The following MKX variants were observed in gnomAD, a reference collection of about 807,000 sequenced individuals.
The protein encoded by MKX is homeobox protein Mohawk.
In MKX, 13 loss-of-function variants were observed where a neutral mutation model predicts 36.0. That is an observed-to-expected ratio of 0.36 (90% CI 0.24 to 0.57). The LOEUF (loss-of-function observed/expected upper bound fraction) is 0.57. Among genes scored for constraint, MKX ranks in the 20% least tolerant of loss-of-function variants. The pLI, the probability that MKX is intolerant of heterozygous loss-of-function variation, is 0.79. For missense variants in MKX, 458 were observed against 456.4 expected, an observed-to-expected ratio of 1.00 and a Z score of -0.03; for synonymous variants, 176 against 178.3, an observed-to-expected ratio of 0.99 and a Z score of 0.10.
intron 5 of MKX, among the ~76,000 whole-genome samples, chr10:27,713,204 A>C (rs916219094): frequency 3.3e-5 from 5 of 152,214 alleles, no homozygotes; most frequent in African/African-American, 1.2e-4. Context: ...AGAAATCTTC[A>C]GAAGTGTCTG....
rs965586987 is a variant in MKX, at chr10:27,706,658, T to G, written c.838+27798A>C. 2.6e-5 allele frequency among the ~76,000 whole-genome samples: 4 copies of G among 152,166 alleles called. No individual in the cohort carries two copies. In the South Asian group the frequency reaches 8.3e-4, roughly 32 times the overall value. On this transcript the variant is annotated intron_variant, in intron 5 of 6. Transcript: ENST00000419761. ...TCTGCATTTCTCTAATGATTGGTAA[T>G]GCTGAGCATCTTTTCATGTGCTTAT...
chr10:27,742,620 C>T lies in MKX; in HGVS notation c.188+608G>A, dbSNP rs1400797498. Among the ~76,000 whole-genome samples the T allele has an allele frequency of 1.3e-5, 2 of 151,880 alleles. No homozygotes were observed. Among genetic ancestry groups the T allele is most frequent in the Admixed American group, 6.5e-5 (1 of 15,288 alleles). ...GCTGGCCCACCCGCAAGCTACCGCC[C>T]CCCCCAGCATACCCCTCACCCCGCT... On this transcript the variant is annotated intron_variant, in intron 2 of 6. Coordinates refer to ENST00000419761, the MANE Select transcript of MKX (RefSeq NM_173576.3). The surrounding 1 kb of genome is among the most constrained non-coding windows in gnomAD (Gnocchi z 4.2).
chr10:27,734,902 TAAA>T, intron 4 of MKX, 111 bp from the exon 5 acceptor site: 1 of 629,862 alleles, frequency 1.6e-6, no homozygotes, highest in Non-Finnish European at 2.4e-6. Context: ...TTAAAGTATA[TAAA>T]ATTATCTTTG....
chr10:27,699,697 C>G (rs528254342), intron 5 of MKX, among the ~76,000 whole-genome samples: 1 of 152,196 alleles, frequency 6.6e-6, no homozygotes, highest in Non-Finnish European at 1.5e-5. Flanking sequence ...AGTTTCAATT[C>G]AGCTCCCTAA....
intron 5 of MKX, among the ~76,000 whole-genome samples, chr10:27,696,568 A>C (rs76900337): frequency 0.047 from 7,193 of 152,226 alleles, 474 homozygotes; most frequent in African/African-American, 0.15. Context: ...CAAGCTGCAT[A>C]TTACAAAGTT....
chr10:27,720,692 A>G (rs955856229), intron 5 of MKX, among the ~76,000 whole-genome samples: 28 of 152,252 alleles, frequency 1.8e-4, no homozygotes, highest in African/African-American at 6.7e-4. Flanking sequence ...TGCAAACATT[A>G]TACTCTATGG....
chr10:27,688,012 C>T (rs1351463765), intron 5 of MKX, among the ~76,000 whole-genome samples: 1 of 152,110 alleles, frequency 6.6e-6, no homozygotes, highest in Non-Finnish European at 1.5e-5. Context: ...TTAGCATCAG[C>T]GTGCCAAGCT....
At chr10:27,735,838 T>C (rs1378752504) in intron 3 of MKX, among the ~76,000 whole-genome samples, 1 of 151,990 alleles carries the variant, frequency 6.6e-6, no homozygotes, top group African/African-American at 2.4e-5. Flanking sequence ...GCATTCCCAA[T>C]AAAGAGGACA....
Position 27,735,265 on chromosome 10 carries a change from T to C in MKX, c.458A>G (p.Asn153Ser), listed in dbSNP as rs1257549259. The change falls in exon 4 of 7, where the codon AAT (asparagine) becomes AGT (serine). Residue 153 changes from asparagine to serine, a missense_variant. By Grantham distance (46) the Asn-to-Ser change is conservative. Around this residue, in one of 3 missense-constraint regions of MKX, gnomAD observed 297 missense variants for 304.4 expected, o/e 0.98. Transcript: ENST00000419761. ...ACTGCTTACGCTAAGCCGTTCAGCATTGCCTTGAACATACTTGTTGTATAA... is the reference window on the plus strand; with the variant it reads ...ACTGCTTACGCTAAGCCGTTCAGCACTGCCTTGAACATACTTGTTGTATAA... Reference protein sequence around the residue: ...IKLYNKYVQGNAERLSVSSDD... With the variant: ...IKLYNKYVQGSAERLSVSSDD... 5.0e-6 allele frequency: 8 copies of C among 1,612,238 alleles called. No homozygotes were observed. Among genetic ancestry groups the C allele is most frequent in the Middle Eastern group, 1.6e-4 (1 of 6,076 alleles).
At chr10:27,724,933 AACC>A (rs1834457229) in intron 5 of MKX, among the ~76,000 whole-genome samples, 1 of 152,014 alleles carries the variant, frequency 6.6e-6, no homozygotes, top group Non-Finnish European at 1.5e-5. Flanking sequence ...CTTGTGTAAA[AACC>A]TTTCCACTCT....
intron 5 of MKX, among the ~76,000 whole-genome samples, chr10:27,730,958 C>T (rs1192081537): frequency 6.6e-6 from 1 of 151,254 alleles, no homozygotes; most frequent in Admixed American, 6.6e-5. Flanking sequence ...CACGGTGAAA[C>T]CCCGTCTCTA....
chr10:27,686,432 A>G (rs1001711344), intron 5 of MKX, among the ~76,000 whole-genome samples: 2 of 144,662 alleles, frequency 1.4e-5, no homozygotes, highest in African/African-American at 5.6e-5. Context: ...GAAGGAAGGA[A>G]GGAAGGAAGG....
At position 27,675,358 on chromosome 10, in the gene MKX, T is replaced by C; in HGVS notation, c.930A>G (p.Ala310=). Residue 310 remains alanine (A), a synonymous_variant, in exon 7 of 7, where the codon GCA becomes GCG. Transcript: ENST00000419761. ...KDDTYWKEIN[A]AMALTNLAQG... is the part of the protein sequence containing the mutation. ...GTGCAAGATTTGTTAAGGCCATAGC[T>C]GCGTTGATCTCCTTCCAATACGTGT... The C allele has an allele frequency of 6.2e-7, 1 of 1,614,244 alleles. No individual in the cohort carries two copies. Among genetic ancestry groups the C allele is most frequent in the South Asian group, 1.1e-5 (1 of 91,084 alleles).
At chr10:27,743,032 T>C (rs1834944089) in intron 2 of MKX, among the ~76,000 whole-genome samples, 196 bp downstream of exon 2, 1 of 152,186 alleles carries the variant, frequency 6.6e-6, no homozygotes, top group South Asian at 2.1e-4. Flanking sequence ...CCCCGACGAA[T>C]TGATCCCTCA....
At position 27,734,541 on chromosome 10, in the gene MKX, C is replaced by T. The variant is rs375003775; in HGVS notation, c.753G>A (p.Ser251=). 3.7e-6 allele frequency: 6 copies of T among 1,614,006 alleles called. No homozygotes were observed. The highest frequency in any genetic ancestry group is 1.7e-5 in the Admixed American group (1 of 59,994). Residue 251 remains serine (S), a synonymous_variant, in exon 5 of 7, where the codon TCG becomes TCA. Coordinates refer to ENST00000419761, the MANE Select transcript of MKX (RefSeq NM_173576.3). ...CAAATTCATTGGAGCTAAAAGATCC[C>T]GAGTGGTTTCTTTGCCTTGTTTTTC... ...MMGKTRQRNH[S]GSFSSNEFEE...
rs142158150 is a variant in MKX, at chr10:27,706,926, C to A, written c.838+27530G>T. Among the ~76,000 whole-genome samples, 36 of 151,938 alleles carry A rather than the reference C, an allele frequency of 2.4e-4. No homozygotes were observed. In the East Asian group the frequency reaches 6.8e-3, roughly 29 times the overall value. ...TCTCTCTGTCCCGTGCTGTATGCAC[C>A]CTGTATTTCTGTGTGGCATTTTGCA... is the stretch of plus-strand genomic sequence containing the variant. On this transcript the variant is annotated intron_variant, in intron 5 of 6. Coordinates refer to ENST00000419761, the MANE Select transcript of MKX (RefSeq NM_173576.3).
chr10:27,730,702 C>A (rs1834605365), intron 5 of MKX, among the ~76,000 whole-genome samples: 1 of 151,864 alleles, frequency 6.6e-6, no homozygotes, highest in South Asian at 2.1e-4. Flanking sequence ...AGGTGATCTG[C>A]CTGCCTCGGC....
intron 5 of MKX, among the ~76,000 whole-genome samples, chr10:27,704,610 C>A (rs1836717766): frequency 1.3e-5 from 2 of 151,920 alleles, no homozygotes; most frequent in Non-Finnish European, 2.9e-5. Flanking sequence ...AAAGACTGGG[C>A]AATAAATGGT....
Position 27,734,729 on chromosome 10 carries a change from G to A in MKX, c.565C>T (p.Pro189Ser). 1 of 1,614,140 alleles carries A rather than the reference G, an allele frequency of 6.2e-7. No individual in the cohort carries two copies. The highest frequency in any genetic ancestry group is 8.5e-7 in the Non-Finnish European group (1 of 1,180,026). The change falls in exon 5 of 7, where the codon CCT becomes TCT. Residue 189 changes from proline (P) to serine (S), a missense_variant. Transcript: ENST00000419761. ...EGGYNTPVHH[P>S]VIKSENSVIK... The stretch of plus-strand genomic sequence containing the variant: ...ACCGAATTCTCACTTTTAATCACAG[G>A]ATGGTGAACTGGGGTATTATAGCCC...
Sources: allele counts gnomAD v4.1 joint callset (sites outside exome capture counted in the v4.1 genomes callset), GRCh38; gene constraint gnomAD v4.1.1; regional missense constraint gnomAD v4.1.1; non-coding constraint Gnocchi (gnomAD v3.1); transcripts MANE v1.5; gene names NCBI Gene and HGNC (gene_info 2026-07-23, HGNC 2026-07-21).